GLIS1: variants seen among roughly 807,000 people sequenced by gnomAD.
The protein encoded by GLIS1 is GLIS family zinc finger 1.
A neutral mutation model predicts 63.8 loss-of-function variants in GLIS1; 24 were observed. The ratio of observed to expected loss-of-function variants is 0.38; its 90% CI spans 0.27 to 0.53. The LOEUF is 0.53. Among genes scored for constraint, GLIS1 ranks in the 20% least tolerant of loss-of-function variants. GLIS1 has a pLI of 0.85. For missense variants in GLIS1, 1,036 were observed against 1,074.1 expected (o/e 0.96, Z 0.50); for synonymous variants, 450 against 482.5 (o/e 0.93, Z 0.88).
At chr1:53,536,502 C>T (rs1416059229) in intron 4 of GLIS1, among the ~76,000 whole-genome samples, 13 of 152,172 alleles carry the variant, frequency 8.5e-5, no homozygotes, top group Non-Finnish European at 1.8e-4. Context: ...ATTCAGACAA[C>T]GTTCCCCGCT....
At chr1:53,541,458 C>A (rs951411102) in intron 4 of GLIS1, among the ~76,000 whole-genome samples, 2 of 152,258 alleles carry the variant, frequency 1.3e-5, no homozygotes, top group Non-Finnish European at 2.9e-5. Flanking sequence ...ATCTCACGGC[C>A]ATATGTGCAT....
intron 2 of GLIS1, among the ~76,000 whole-genome samples, chr1:53,686,065 G>A (rs555657171): frequency 5.9e-5 from 9 of 152,112 alleles, no homozygotes; most frequent in Non-Finnish European, 2.9e-5. Flanking sequence ...CTCCACTCCC[G>A]CAGCCATGAT....
intron 2 of GLIS1, among the ~76,000 whole-genome samples, chr1:53,653,254 A>G (rs1645927971): frequency 6.6e-6 from 1 of 152,202 alleles, no homozygotes; most frequent in Non-Finnish European, 1.5e-5. Context: ...AAGCAGATGG[A>G]TGGACATATA....
At chr1:53,573,358 G>T (rs1375662800) in intron 4 of GLIS1, among the ~76,000 whole-genome samples, 1 of 152,010 alleles carries the variant, frequency 6.6e-6, no homozygotes. Flanking sequence ...TGGCGGTGGG[G>T]GGAGACCCTC....
intron 2 of GLIS1, among the ~76,000 whole-genome samples, chr1:53,633,535 G>A (rs1645692732): frequency 6.6e-6 from 1 of 151,952 alleles, no homozygotes; most frequent in Non-Finnish European, 1.5e-5. Context: ...GCGTGTGAAT[G>A]TGTGTGACGG....
intron 2 of GLIS1, among the ~76,000 whole-genome samples, chr1:53,601,342 TTC>T (rs1347472561): frequency 1.3e-5 from 2 of 152,232 alleles, no homozygotes; most frequent in Non-Finnish European, 2.9e-5. Flanking sequence ...AGGAAAATTG[TTC>T]TTATTGTTAA....
At chr1:53,573,236 C>T (rs1342286884) in intron 4 of GLIS1, among the ~76,000 whole-genome samples, 1 of 152,200 alleles carries the variant, frequency 6.6e-6, no homozygotes, top group Non-Finnish European at 1.5e-5. Flanking sequence ...AAACCTCATC[C>T]CTTCTGTCTG....
intron 2 of GLIS1, among the ~76,000 whole-genome samples, chr1:53,622,076 G>C (rs532929685): frequency 9.2e-5 from 14 of 152,108 alleles, no homozygotes; most frequent in Middle Eastern, 3.4e-3. Context: ...GTGCCACTGC[G>C]TCCGGCCTCA....
At chr1:53,733,004 C>G (rs1189510617) in intron 2 of GLIS1, among the ~76,000 whole-genome samples, 2 of 152,074 alleles carry the variant, frequency 1.3e-5, no homozygotes, top group Non-Finnish European at 2.9e-5. Flanking sequence ...GTTATTTTTT[C>G]CCCTAATCCT....
intron 2 of GLIS1, among the ~76,000 whole-genome samples, chr1:53,622,994 C>T (rs1645561915): frequency 6.6e-6 from 1 of 152,028 alleles, no homozygotes. Flanking sequence ...AATGTATTAA[C>T]CTCAGTTTGT....
intron 4 of GLIS1, among the ~76,000 whole-genome samples, chr1:53,569,703 T>A (rs1644966825): frequency 6.6e-6 from 1 of 152,016 alleles, no homozygotes; most frequent in Non-Finnish European, 1.5e-5. Context: ...ATCAAAAGAA[T>A]CTACACAAAA....
At chr1:53,603,368 G>A (rs960186552) in intron 2 of GLIS1, among the ~76,000 whole-genome samples, 9 of 152,162 alleles carry the variant, frequency 5.9e-5, no homozygotes, top group Non-Finnish European at 1.2e-4. Context: ...TGGCATAGTC[G>A]TGGCCCAAAG....
intron 2 of GLIS1, among the ~76,000 whole-genome samples, chr1:53,634,690 C>T (rs1234570605): frequency 1.3e-5 from 2 of 152,184 alleles, no homozygotes; most frequent in Non-Finnish European, 2.9e-5. Context: ...CACCGCTATT[C>T]CAGCCACTGC....
At chr1:53,617,585 C>A (rs1292052994) in intron 2 of GLIS1, among the ~76,000 whole-genome samples, 1 of 152,258 alleles carries the variant, frequency 6.6e-6, no homozygotes, top group Non-Finnish European at 1.5e-5. Flanking sequence ...CAATGCCGCA[C>A]ACGGGCAATT....
chr1:53,545,412 C>T (rs1165235363), intron 4 of GLIS1, among the ~76,000 whole-genome samples: 1 of 152,236 alleles, frequency 6.6e-6, no homozygotes, highest in African/African-American at 2.4e-5. Flanking sequence ...TGCTTTTATT[C>T]AGTCATTCAT....
At chr1:53,578,524 C>G (rs149061395) in intron 4 of GLIS1, among the ~76,000 whole-genome samples, 1 of 152,164 alleles carries the variant, frequency 6.6e-6, no homozygotes, top group African/African-American at 2.4e-5. Context: ...CATAAGACCT[C>G]GTAGGGATTA....
At position 53,594,522 on chromosome 1, in the gene GLIS1, C is replaced by T. The variant is rs547586939; in HGVS notation, c.906G>A (p.Thr302=). ...GTTGCAAGCTGCCCTCATGGCTGTCCGTCGATGCAGGGCCAGGCCGGGCCC... is the reference window on the plus strand; with the variant it reads ...GTTGCAAGCTGCCCTCATGGCTGTCTGTCGATGCAGGGCCAGGCCGGGCCC... ...SKRARPGPAS[T]DSHEGSLQLE... is the part of the protein sequence containing the mutation. The change falls in exon 4 of 11, where the codon ACG becomes ACA. Residue 302 remains threonine, a synonymous_variant. Coordinates refer to ENST00000628545, the MANE Select transcript of GLIS1 (RefSeq NM_001367484.1). The T allele has an allele frequency of 5.6e-5, 90 of 1,611,834 alleles. No individual in the cohort carries two copies. The highest frequency in any genetic ancestry group is 4.9e-4 in the Middle Eastern group (3 of 6,068).
chr1:53,665,882 G>A (rs1297683951), intron 2 of GLIS1, among the ~76,000 whole-genome samples: 4 of 152,138 alleles, frequency 2.6e-5, no homozygotes, highest in South Asian at 2.1e-4. Context: ...AACATCGAAC[G>A]CCCTGGGGAC....
At chr1:53,544,383 C>G (rs1644677099) in intron 4 of GLIS1, among the ~76,000 whole-genome samples, 1 of 152,298 alleles carries the variant, frequency 6.6e-6, no homozygotes, top group East Asian at 1.9e-4. Context: ...CACAGTGAGG[C>G]CTTCGGGCAG....
Sources: gnomAD v4.1 joint callset for allele counts (sites outside exome capture counted in the v4.1 genomes callset) on GRCh38, gnomAD v4.1.1 for gene constraint, MANE v1.5 for transcripts, NCBI Gene and HGNC (gene_info 2026-07-23, HGNC 2026-07-21) for gene names.